The following PHIP variants were observed in gnomAD, a reference collection of about 807,000 sequenced individuals.
The protein encoded by PHIP is PHIP subunit of CUL4-Ring ligase complex.
PHIP carries 54 observed loss-of-function variants against 236.8 expected under a neutral mutation model. The observed-to-expected ratio is 0.23, with a 90% CI of 0.18 to 0.29. The LOEUF (loss-of-function observed/expected upper bound fraction) is 0.29, where lower values mean the gene tolerates loss of function less well. Ranked by LOEUF, PHIP falls within the 10% of genes least tolerant of loss-of-function variation. The pLI, the probability that PHIP is intolerant of heterozygous loss-of-function variation, is 1.00. For missense variants in PHIP, 1,370 were observed against 2,190.8 expected, an observed-to-expected ratio of 0.63 and a Z score of 7.48; for synonymous variants, 756 against 718.9, an observed-to-expected ratio of 1.05 and a Z score of -0.83.
At chr6:78,988,092 CA>C (rs981390179) in intron 21 of PHIP, 116 bp downstream of exon 21, 2 of 627,068 alleles carry the variant, frequency 3.2e-6, no homozygotes, top group Non-Finnish European at 4.9e-6. Context: ...CATAAGACCC[CA>C]AAATGCCATA....
chr6:78,998,894 TG>T (rs1362266676), intron 17 of PHIP, among the ~76,000 whole-genome samples: 1 of 152,066 alleles, frequency 6.6e-6, no homozygotes, highest in Non-Finnish European at 1.5e-5. Flanking sequence ...TGAGATCTAG[TG>T]GTAAATAAGG....
intron 23 of PHIP, among the ~76,000 whole-genome samples, chr6:78,980,390 G>A (rs898268417): frequency 1.3e-5 from 2 of 151,972 alleles, no homozygotes; most frequent in Non-Finnish European, 2.9e-5. Flanking sequence ...CAGTGGAGTG[G>A]TGAAAAACAG....
intron 4 of PHIP, among the ~76,000 whole-genome samples, chr6:79,065,537 A>T (rs1262681579): frequency 6.6e-6 from 1 of 151,202 alleles, no homozygotes; most frequent in Non-Finnish European, 1.5e-5. Context: ...TGCCCAGACA[A>T]CTCTTCCATG....
chr6:79,075,967 A>T (rs1399098793), intron 4 of PHIP, among the ~76,000 whole-genome samples: 1 of 152,236 alleles, frequency 6.6e-6, no homozygotes, highest in Non-Finnish European at 1.5e-5. Context: ...ATTTCAAATT[A>T]GTAAATCTTG....
intron 35 of PHIP, among the ~76,000 whole-genome samples, chr6:78,950,544 T>G (rs933995608): frequency 1.3e-5 from 2 of 152,226 alleles, no homozygotes; most frequent in African/African-American, 2.4e-5. Context: ...GTTATTTGCT[T>G]CATACTGGGT....
At chr6:79,037,792 A>G (rs986381253) in intron 7 of PHIP, among the ~76,000 whole-genome samples, 1 of 152,236 alleles carries the variant, frequency 6.6e-6, no homozygotes, top group Non-Finnish European at 1.5e-5. Flanking sequence ...AGTCATTTTT[A>G]TATCTCAAAT....
chr6:78,942,290 C>A (rs1773544599), intron 39 of PHIP, among the ~76,000 whole-genome samples: 1 of 152,172 alleles, frequency 6.6e-6, no homozygotes, highest in South Asian at 2.1e-4. Context: ...CGAGACCAGC[C>A]TGGCCAACAT....
intron 15 of PHIP, among the ~76,000 whole-genome samples, chr6:79,009,381 C>A (rs1374460420): frequency 6.6e-6 from 1 of 152,022 alleles, no homozygotes; most frequent in Admixed American, 6.6e-5. Flanking sequence ...ATTTATCTTT[C>A]AAGGCATAGT....
In PHIP at chr6:78,960,450, CTTT is replaced by C. The variant is rs1208567579; in HGVS notation, c.3656+1237_3656+1239del. 1.5e-5 allele frequency among the ~76,000 whole-genome samples: 2 copies of C among 137,476 alleles called. No individual in the cohort carries two copies. Among genetic ancestry groups the C allele is most frequent in the African/African-American group, 2.7e-5 (1 of 37,672 alleles). 90.2% of individuals were successfully genotyped at this position (137,476 alleles called of 152,430 possible). ...GAAAGAGGAATATAGTTAGGAATTC[CTTT>C]TTTTTTTTTTTTTCTCTTAAACTTC... On this transcript the variant is annotated intron_variant, in intron 31 of 39. Coordinates refer to ENST00000275034, the MANE Select transcript of PHIP (RefSeq NM_017934.7).
intron 7 of PHIP, among the ~76,000 whole-genome samples, chr6:79,041,771 G>A (rs959322084): frequency 6.6e-6 from 1 of 151,976 alleles, no homozygotes; most frequent in Non-Finnish European, 1.5e-5. Context: ...CGTAAAAAGG[G>A]AAAATACTGA....
Position 78,998,238 on chromosome 6 carries a change from T to C in PHIP, c.2017+16A>G, listed in dbSNP as rs890365562. Reference sequence around the variant, plus strand: ...AAATTTTTAAATATTTCACTTAAAATAGAATACCTGCTTACCTCTACTTAA... The same window carrying C: ...AAATTTTTAAATATTTCACTTAAAACAGAATACCTGCTTACCTCTACTTAA... On this transcript the variant is annotated intron_variant, in intron 18 of 39. Coordinates refer to ENST00000275034, the MANE Select transcript of PHIP (RefSeq NM_017934.7). 2.5e-6 allele frequency: 4 copies of C among 1,598,598 alleles called. No homozygotes were observed. The highest frequency in any genetic ancestry group is 3.4e-6 in the Non-Finnish European group (4 of 1,166,570).
chr6:78,983,307 G>A (rs527897822), intron 22 of PHIP, among the ~76,000 whole-genome samples, 190 bp from the exon 23 acceptor site: 20 of 151,732 alleles, frequency 1.3e-4, no homozygotes, highest in East Asian at 1.9e-4. Flanking sequence ...CTTAAATATC[G>A]CAAAAAAACT....
chr6:79,070,708 C>T (rs1773838642), intron 4 of PHIP, among the ~76,000 whole-genome samples: 2 of 152,160 alleles, frequency 1.3e-5, no homozygotes, highest in African/African-American at 2.4e-5. Context: ...ATCCAGGATG[C>T]TCTAATTCCT....
intron 7 of PHIP, among the ~76,000 whole-genome samples, chr6:79,027,921 T>C (rs892307615): frequency 6.6e-6 from 1 of 152,160 alleles, no homozygotes; most frequent in Non-Finnish European, 1.5e-5. Flanking sequence ...CATAGGATTG[T>C]CACAAAACTA....
intron 6 of PHIP, among the ~76,000 whole-genome samples, chr6:79,047,069 T>C (rs1479322211): frequency 1.3e-5 from 2 of 152,056 alleles, no homozygotes. Context: ...AAATAAAAAT[T>C]CCAGAAATCA....
At chr6:78,974,941 G>T (rs1490701434) in intron 24 of PHIP, among the ~76,000 whole-genome samples, 5 of 151,362 alleles carry the variant, frequency 3.3e-5, no homozygotes, top group Admixed American at 6.6e-5. Flanking sequence ...TTCTACCAGA[G>T]GTACAAGGAG....
Position 78,955,656 on chromosome 6 carries a change from G to T in PHIP, c.3809C>A (p.Pro1270Gln). Residue 1270 changes from proline to glutamine, a missense_variant, in exon 33 of 40, where the codon CCA becomes CAA. Pro to Gln is a moderately conservative substitution (Grantham distance 76). Transcript: ENST00000275034. ...TTTCTTCTTCATTGAATTATAAAGT[G>T]GAATTATGTTATAACAAGTCTGATC... ...IKDQTCYNII[P>Q]LYNSMKKKVL... 9.2e-7 allele frequency: 1 copy of T among 1,088,340 alleles called. No individual in the cohort carries two copies. The highest frequency in any genetic ancestry group is 1.4e-6 in the Non-Finnish European group (1 of 719,464). The allele number at this position is 1,088,340 out of a possible 1,614,324, so 67.4% of individuals were successfully genotyped here.
rs939438240 is a variant in PHIP at position 78,936,100 on chromosome 6, T to G, written c.*4593A>C. On this transcript the variant is annotated 3_prime_UTR_variant, in exon 40 of 40. Transcript: ENST00000275034. ...GAAACTGCTGTTTATAATATGATAC[T>G]CCAGGTTCGGAAGGAAAAAAACAAA... The G allele has an allele frequency of 6.6e-6, 1 of 151,924 alleles. No homozygotes were observed. Among genetic ancestry groups the G allele is most frequent in the Non-Finnish European group, 1.5e-5 (1 of 67,832 alleles). The allele number at this position is 151,924 out of a possible 1,614,324, so 9.4% of individuals were successfully genotyped here.
chr6:78,976,061 T>C lies in PHIP; in HGVS notation c.2889+2531A>G, dbSNP rs1348573523. ...TATGGAACCAAAAAAGGGCCCGCAT[T>C]GCCAAGTCAATCCTAAGCCAAAAGA... On this transcript the variant is annotated intron_variant, in intron 24 of 39. Transcript: ENST00000275034. 3.9e-5 allele frequency among the ~76,000 whole-genome samples: 6 copies of C among 152,030 alleles called. No homozygotes were observed. The East Asian group carries it at 1.2e-3, about 29-fold the overall frequency.
Sources: allele counts gnomAD v4.1 joint callset (sites outside exome capture counted in the v4.1 genomes callset), GRCh38; gene constraint gnomAD v4.1.1; transcripts MANE v1.5; gene names NCBI Gene and HGNC (gene_info 2026-07-23, HGNC 2026-07-21).